The following PHF11 variants were observed in gnomAD, a reference collection of about 807,000 sequenced individuals.
PHF11 encodes BRCA1 C-terminus-associated protein.
PHF11 carries 38 observed loss-of-function variants against 40.5 expected under a neutral mutation model. The ratio of observed to expected loss-of-function variants is 0.94; its 90% CI spans 0.72 to 1.23. The LOEUF (loss-of-function observed/expected upper bound fraction) is 1.23, where lower values mean the gene tolerates loss of function less well. Ranked by LOEUF, PHF11 falls within the 50% of genes most tolerant of loss-of-function variation. The probability of loss-of-function intolerance (pLI) is 0.00; values close to 1 mark genes in which losing one functional copy is unlikely to be tolerated. For synonymous variants in PHF11, 127 were observed against 138.2 expected (o/e 0.92, Z 0.57); for missense variants, 369 against 392.4 (o/e 0.94, Z 0.50).
intron 2 of PHF11, among the ~76,000 whole-genome samples, chr13:49,511,027 T>A (rs944670808): frequency 6.6e-6 from 1 of 152,208 alleles, no homozygotes; most frequent in African/African-American, 2.4e-5. Context: ...ATTTGTCTTA[T>A]CTTTTCTCAG....
chr13:49,527,092 C>T (rs1196021876), intron 9 of PHF11: 3 of 151,636 alleles, frequency 2.0e-5, no homozygotes, highest in Non-Finnish European at 4.4e-5. Flanking sequence ...AAAAAATGAG[C>T]AAGTAAGAAT....
intron 4 of PHF11, among the ~76,000 whole-genome samples, chr13:49,519,026 G>A (rs1000898588): frequency 6.6e-6 from 1 of 151,756 alleles, no homozygotes; most frequent in African/African-American, 2.4e-5. Flanking sequence ...TAGTAGAGAC[G>A]GGGTTTCACC....
At chr13:49,513,754 C>A (rs527975935) in intron 3 of PHF11, among the ~76,000 whole-genome samples, 1 of 152,212 alleles carries the variant, frequency 6.6e-6, no homozygotes, top group Non-Finnish European at 1.5e-5. Flanking sequence ...AGGATACTTA[C>A]TTTTTCACTT....
chr13:49,528,591 C>G lies in PHF11; in HGVS notation c.922C>G (p.Gln308Glu), dbSNP rs1959410117. 2 of 1,611,512 alleles carry G rather than the reference C, an allele frequency of 1.2e-6. No individual in the cohort carries two copies. The highest frequency in any genetic ancestry group is 3.3e-5 in the Admixed American group (2 of 59,900). ...GATTGAGCTACTTCAGGACTTAAAA[C>G]AAACCTTGTGCTCTTTTCAAGAAAA... is the stretch of plus-strand genomic sequence containing the variant. ...EEIELLQDLK[Q>E]TLCSFQENRD... Residue 308 changes from glutamine (Q) to glutamate (E), a missense_variant, in exon 10 of 10, where the codon CAA becomes GAA. Gln to Glu is a conservative substitution (Grantham distance 29). Coordinates refer to ENST00000378319, the MANE Select transcript of PHF11 (RefSeq NM_001040443.3).
chr13:49,516,919 T>C, intron 3 of PHF11, among the ~76,000 whole-genome samples: 1 of 152,200 alleles, frequency 6.6e-6, no homozygotes, highest in East Asian at 1.9e-4. Context: ...CTGGGTTTTC[T>C]TCCTGCCTTA....
At position 49,513,048 on chromosome 13, in the gene PHF11, C is replaced by G. The variant is rs374694670; in HGVS notation, c.217-11C>G. 4 of 1,336,994 alleles carry G rather than the reference C, an allele frequency of 3.0e-6. No individual in the cohort carries two copies. In the African/African-American group the frequency reaches 5.9e-5, roughly 20 times the overall value. The allele number at this position is 1,336,994 out of a possible 1,614,324, so 82.8% of individuals were successfully genotyped here. A position where few individuals can be genotyped will look rare whatever the true frequency, so the allele number is the denominator to read the frequency against. The stretch of plus-strand genomic sequence containing the variant: ...TTGTGCATACTCTGGATTTTTTTTT[C>G]CAATCTGCAGCTGTATTCTTCAGGA... On this transcript the variant is annotated splice_polypyrimidine_tract_variant and intron_variant, in intron 2 of 9. Coordinates refer to ENST00000378319, the MANE Select transcript of PHF11 (RefSeq NM_001040443.3).
At chr13:49,513,967 G>C (rs1485105685) in intron 3 of PHF11, among the ~76,000 whole-genome samples, 2 of 152,142 alleles carry the variant, frequency 1.3e-5, no homozygotes, top group Non-Finnish European at 2.9e-5. Flanking sequence ...CATACACATG[G>C]AATAAGCCCC....
chr13:49,523,090 CATTT>C, intron 6 of PHF11, 81 bp from the exon 7 acceptor site: 1 of 935,648 alleles, frequency 1.1e-6, no homozygotes, highest in Non-Finnish European at 1.8e-6. Context: ...GTAGGCATAT[CATTT>C]AGTTATGCAC....
chr13:49,518,985 G>A (rs927240491), intron 4 of PHF11, among the ~76,000 whole-genome samples: 5 of 148,872 alleles, frequency 3.4e-5, no homozygotes, highest in Non-Finnish European at 6.1e-5. Context: ...ACAGGCGCCC[G>A]CTACCACGCC....
intron 4 of PHF11, among the ~76,000 whole-genome samples, 198 bp from the exon 5 acceptor site, chr13:49,520,696 G>A (rs976473380): frequency 1.3e-5 from 2 of 151,882 alleles, no homozygotes; most frequent in African/African-American, 4.8e-5. Context: ...GTCCCTGAGG[G>A]CATAAAAGAC....
Position 49,495,991 on chromosome 13 carries a change from G to A in PHF11, c.-11G>A, listed in dbSNP as rs757074953. The A allele has an allele frequency of 1.1e-5, 16 of 1,494,718 alleles. No homozygotes were observed. In the East Asian group the frequency reaches 2.5e-4, roughly 24 times the overall value. The allele number at this position is 1,494,718 out of a possible 1,614,324, so 92.6% of individuals were successfully genotyped here. A position where few individuals can be genotyped will look rare whatever the true frequency, so the allele number is the denominator to read the frequency against. Reference sequence around the variant, plus strand: ...CGCTATCCGGCCGCCACCCGCAGCTGCAGCACAGTCATGGCCCAGGCGTCG... The same window carrying A: ...CGCTATCCGGCCGCCACCCGCAGCTACAGCACAGTCATGGCCCAGGCGTCG... On this transcript the variant is annotated 5_prime_UTR_variant, in exon 1 of 10. Transcript: ENST00000378319.
At chr13:49,506,841 CAAAG>C in intron 2 of PHF11, 85 bp downstream of exon 2, 1 of 657,816 alleles carries the variant, frequency 1.5e-6, no homozygotes, top group Non-Finnish European at 2.2e-6. Context: ...ACTTTGGACA[CAAAG>C]AATAACAAGT....
At chr13:49,519,657 C>A (rs901807675) in intron 4 of PHF11, among the ~76,000 whole-genome samples, 1 of 141,156 alleles carries the variant, frequency 7.1e-6, no homozygotes, top group African/African-American at 2.8e-5. Context: ...CATGGGATAA[C>A]GAGAGCAGGA....
intron 1 of PHF11, among the ~76,000 whole-genome samples, chr13:49,505,693 A>C (rs950859554): frequency 6.6e-6 from 1 of 152,068 alleles, no homozygotes; most frequent in Non-Finnish European, 1.5e-5. Flanking sequence ...ATGGGTGGAG[A>C]TCTCAACAGC....
At chr13:49,522,374 T>G (rs952398283) in intron 6 of PHF11, among the ~76,000 whole-genome samples, 2 of 152,178 alleles carry the variant, frequency 1.3e-5, no homozygotes, top group African/African-American at 4.8e-5. Flanking sequence ...TCCAAGCACA[T>G]AACCTTCAGG....
intron 2 of PHF11, among the ~76,000 whole-genome samples, chr13:49,508,146 T>C (rs954614877): frequency 7.2e-6 from 1 of 138,802 alleles, no homozygotes; most frequent in African/African-American, 2.6e-5. Flanking sequence ...GGGAAAAAGA[T>C]GCATTCATAT....
chr13:49,522,306 A>G (rs74076056), intron 6 of PHF11, among the ~76,000 whole-genome samples, 199 bp downstream of exon 6: 1,914 of 152,314 alleles, frequency 0.013, 39 homozygotes, highest in African/African-American at 0.043. Flanking sequence ...GGAAGCTCTT[A>G]GATAATTCCT....
At chr13:49,514,154 A>G (rs1202739228) in intron 3 of PHF11, among the ~76,000 whole-genome samples, 2 of 152,162 alleles carry the variant, frequency 1.3e-5, no homozygotes, top group Non-Finnish European at 2.9e-5. Flanking sequence ...GACCCTTCAC[A>G]TCTTAGCAAG....
chr13:49,515,455 TACACACACACACACACACACACACAC>T (rs61316360), intron 3 of PHF11, among the ~76,000 whole-genome samples: 3 of 137,690 alleles, frequency 2.2e-5, no homozygotes, highest in Non-Finnish European at 3.1e-5. Flanking sequence ...CCATCTCCTA[TACACACACACACACACACACACACAC>T]ACACACACAC....
Sources: allele counts gnomAD v4.1 joint callset (sites outside exome capture counted in the v4.1 genomes callset), GRCh38; gene constraint gnomAD v4.1.1; transcripts MANE v1.5; gene names NCBI Gene and HGNC (gene_info 2026-07-23, HGNC 2026-07-21).